Variants in RAET1L observed in about 807,000 individuals in gnomAD.
The protein encoded by RAET1L is retinoic acid early transcript 1L, also known as UL16-binding protein 6.
RAET1L carries 16 observed loss-of-function variants against 23.9 expected under a neutral mutation model. The observed-to-expected ratio is 0.67, with a 90% CI of 0.45 to 1.02. RAET1L has a LOEUF of 1.02. Among genes scored for constraint, RAET1L ranks in the 50% least tolerant of loss-of-function variants. The probability of loss-of-function intolerance (pLI) is 0.00; values close to 1 mark genes in which losing one functional copy is unlikely to be tolerated. For synonymous variants in RAET1L, 70 were observed against 111.2 expected, an observed-to-expected ratio of 0.63 and a Z score of 2.33; for missense variants, 233 against 304.0, an observed-to-expected ratio of 0.77 and a Z score of 1.74.
chr6:150,021,652 A>G (rs62442285), intron 2 of RAET1L, among the ~76,000 whole-genome samples: 24,581 of 104,026 alleles, frequency 0.24, 2,976 homozygotes, highest in Non-Finnish European at 0.32. Context: ...CTGGAGTGCA[A>G]TGGCACCACC....
intron 1 of RAET1L, among the ~76,000 whole-genome samples, chr6:150,024,969 G>A (rs1779930029): frequency 6.6e-6 from 1 of 152,112 alleles, no homozygotes; most frequent in South Asian, 2.1e-4. Context: ...GGTGAGAGCA[G>A]AGCAGGCTTG....
At position 150,025,422 on chromosome 6, in the gene RAET1L, A is replaced by G. The variant is rs778041088; in HGVS notation, c.50T>C (p.Phe17Ser). Reference sequence around the variant, plus strand: ...AGCCCGGGACCAGCCGAACAGCAGGAACAGAAGCGGGAGGCACAGAAGCAA... The same window carrying G: ...AGCCCGGGACCAGCCGAACAGCAGGGACAGAAGCGGGAGGCACAGAAGCAA... ...PALLLCLPLL[F>S]LLFGWSRARR... The change falls in exon 1 of 5, where the codon TTC (phenylalanine) becomes TCC (serine). Residue 17 changes from phenylalanine to serine, a missense_variant. By Grantham distance (155) the Phe-to-Ser change is radical. Around this residue, in one of 4 missense-constraint regions of RAET1L, gnomAD observed 42 missense variants for 35.0 expected, o/e 1.20. Transcript: ENST00000367341. The G allele has an allele frequency of 3.7e-6, 6 of 1,613,956 alleles. No homozygotes were observed. Among genetic ancestry groups the G allele is most frequent in the Non-Finnish European group, 5.1e-6 (6 of 1,179,932 alleles).
intron 3 of RAET1L, 68 bp downstream of exon 3, chr6:150,020,837 A>G: frequency 6.3e-7 from 1 of 1,589,372 alleles, no homozygotes; most frequent in Non-Finnish European, 8.6e-7. Context: ...GCTGAACTCA[A>G]GAACTAACTT....
intron 4 of RAET1L, among the ~76,000 whole-genome samples, chr6:150,019,357 G>A (rs1779859200): frequency 6.6e-6 from 1 of 152,092 alleles, no homozygotes; most frequent in Non-Finnish European, 1.5e-5. Flanking sequence ...CAGCCCAGTG[G>A]TGCCCGTGGA....
rs1779875186 is a variant in RAET1L, at chr6:150,020,756, C to G, written c.631+149G>C. ...AGGAGGGTGGGAGGGCACAGGCATG[C>G]CAGTAACCCCAGGAGGAGGGCCCGA... On this transcript the variant is annotated intron_variant, in intron 3 of 4. Coordinates refer to ENST00000367341, the MANE Select transcript of RAET1L (RefSeq NM_130900.3). 44 of 1,324,230 alleles carry G rather than the reference C, an allele frequency of 3.3e-5. No homozygotes were observed. In the South Asian group the frequency reaches 6.2e-4, roughly 19 times the overall value. The allele number at this position is 1,324,230 out of a possible 1,614,324, so 82.0% of individuals were successfully genotyped here.
intron 1 of RAET1L, among the ~76,000 whole-genome samples, chr6:150,022,877 C>T (rs1454051760): frequency 2.4e-5 from 2 of 82,590 alleles, no homozygotes; most frequent in East Asian, 4.9e-4. Flanking sequence ...AGAGAAGTGC[C>T]CATGCCAGAG....
At chr6:150,019,330 C>A (rs1219794579) in intron 4 of RAET1L, among the ~76,000 whole-genome samples, 1 of 152,218 alleles carries the variant, frequency 6.6e-6, no homozygotes. Context: ...CCTGTTCCAC[C>A]TTTTCCATTC....
At position 150,022,229 on chromosome 6, in the gene RAET1L, A is replaced by C; in HGVS notation, c.100T>G (p.Cys34Gly). ...RARRDDPHSL[C>G]YDITVIPKFR... is the part of the protein sequence containing the mutation. ...TTAGGGATGACGGTGATGTCATAGC[A>C]AAGAGAGTGAGGGTCTGTGGAGAAA... The change falls in exon 2 of 5, where the codon TGC becomes GGC. Residue 34 changes from cysteine to glycine, a missense_variant. Physicochemically the swap from Cys to Gly is radical, Grantham distance 159 (BLOSUM62 -3). Transcript: ENST00000367341. The C allele has an allele frequency of 4.5e-6, 7 of 1,564,004 alleles. No individual in the cohort carries two copies. Among genetic ancestry groups the C allele is most frequent in the Non-Finnish European group, 6.1e-6 (7 of 1,153,416 alleles).
chr6:150,021,869 G>A, intron 2 of RAET1L, 111 bp downstream of exon 2: 6 of 1,298,994 alleles, frequency 4.6e-6, no homozygotes, highest in Non-Finnish European at 6.6e-6. Context: ...TGGGACTACA[G>A]GCGTGAGCCA....
At chr6:150,021,922 A>C (rs1458527231) in intron 2 of RAET1L, 58 bp downstream of exon 2, 1 of 1,599,566 alleles carries the variant, frequency 6.3e-7, no homozygotes, top group Non-Finnish European at 8.5e-7. Flanking sequence ...AAAACTATAA[A>C]TGCCTCTAAC....
chr6:150,020,254 C>T lies in RAET1L; in HGVS notation c.632-15G>A, dbSNP rs375739824. ...GGCGAGTGGTGCTGAAATGGAAACA[C>T]AAAAGTGACAACCCTTGTCCAGGCC... On this transcript the variant is annotated splice_polypyrimidine_tract_variant and intron_variant, in intron 3 of 4. Coordinates refer to ENST00000367341, the MANE Select transcript of RAET1L (RefSeq NM_130900.3). 24 of 1,415,480 alleles carry T rather than the reference C, an allele frequency of 1.7e-5. No homozygotes were observed. In the East Asian group the frequency reaches 2.0e-4, roughly 12 times the overall value. 87.7% of individuals were successfully genotyped at this position (1,415,480 alleles called of 1,614,324 possible). A position where few individuals can be genotyped will look rare whatever the true frequency, so the allele number is the denominator to read the frequency against.
chr6:150,025,294 CT>C, intron 1 of RAET1L, 92 bp downstream of exon 1: 1 of 1,075,806 alleles, frequency 9.3e-7, no homozygotes, highest in Non-Finnish European at 1.4e-6. Flanking sequence ...CTCCCTTGTC[CT>C]TCCAGAAGCC....
intron 2 of RAET1L, among the ~76,000 whole-genome samples, 171 bp from the exon 3 acceptor site, chr6:150,021,357 A>C (rs1341678790): frequency 6.9e-6 from 1 of 145,538 alleles, no homozygotes; most frequent in African/African-American, 2.6e-5. Flanking sequence ...TTTTTTGAGA[A>C]AGGGTCTCGC....
At chr6:150,021,341 T>TA (rs1299810827) in intron 2 of RAET1L, among the ~76,000 whole-genome samples, 155 bp from the exon 3 acceptor site, 1 of 150,720 alleles carries the variant, frequency 6.6e-6, no homozygotes, top group African/African-American at 2.5e-5. Flanking sequence ...TTGTATTTTT[T>TA]TTTTTTTTTT....
Position 150,025,443 on chromosome 6 carries a change from A to C in RAET1L, c.29T>G (p.Leu10Arg). ...CAGGAACAGAAGCGGGAGGCACAGA[A>C]GCAAAGCTGGGATGGCGGCTGCTGC... Reference protein sequence around the residue: MAAAAIPALLLCLPLLFLLF... With the variant: MAAAAIPALRLCLPLLFLLF... The change falls in exon 1 of 5, where the codon CTT becomes CGT. Residue 10 changes from leucine (L) to arginine (R), a missense_variant. By Grantham distance (102) the Leu-to-Arg change is moderately radical. Coordinates refer to ENST00000367341, the MANE Select transcript of RAET1L (RefSeq NM_130900.3). 1.2e-6 allele frequency: 2 copies of C among 1,614,078 alleles called. No homozygotes were observed. The highest frequency in any genetic ancestry group is 1.7e-6 in the Non-Finnish European group (2 of 1,179,920).
At position 150,021,146 on chromosome 6, in the gene RAET1L, T is replaced by C. The variant is rs572946874; in HGVS notation, c.390A>G (p.Lys130=). 6.2e-7 allele frequency: 1 copy of C among 1,613,930 alleles called. No homozygotes were observed. Among genetic ancestry groups the C allele is most frequent in the Non-Finnish European group, 8.5e-7 (1 of 1,179,996 alleles). Residue 130 remains lysine, a synonymous_variant, in exon 3 of 5, where the codon AAA becomes AAG. Transcript: ENST00000367341. ...TLQARMSCEQ[K]AEGHSSGSWQ... is the part of the protein sequence containing the mutation. ...AAGATCCACTGCTGTGTCCTTCAGC[T>C]TTCTGCTCACAAGACATCCTTGCCT...
intron 2 of RAET1L, 120 bp from the exon 3 acceptor site, chr6:150,021,306 T>C: frequency 7.6e-7 from 1 of 1,311,746 alleles, no homozygotes; most frequent in East Asian, 2.3e-5. Context: ...CTCTAGACTC[T>C]TGAGGGGTAA....
intron 1 of RAET1L, among the ~76,000 whole-genome samples, 195 bp downstream of exon 1, chr6:150,025,192 G>A (rs1775869627): frequency 1.3e-5 from 2 of 149,246 alleles, no homozygotes; most frequent in Middle Eastern, 3.4e-3. Flanking sequence ...GCTCTTTTTC[G>A]CCCCTACTGG....
In RAET1L at chr6:150,021,006, T is replaced by A. The variant is rs148747435; in HGVS notation, c.530A>T (p.Asp177Val). 274 of 1,614,120 alleles carry A rather than the reference T, an allele frequency of 1.7e-4. 1 individual carries two copies. The highest frequency in any genetic ancestry group is 6.2e-4 in the Admixed American group (37 of 60,020). The change falls in exon 3 of 5, where the codon GAT becomes GTT. Residue 177 changes from aspartate to valine, a missense_variant. By Grantham distance (152) the Asp-to-Val change is radical. Coordinates refer to ENST00000367341, the MANE Select transcript of RAET1L (RefSeq NM_130900.3). ...GATGTAATGGAAGGACATGGCCACA[T>A]CCTTGTCATTCTCCCACTTTTCTTT... ...KMKEKWENDKDVAMSFHYISM... is the reference protein window; with the variant it reads ...KMKEKWENDKVVAMSFHYISM...
Sources: gnomAD v4.1 joint callset for allele counts (sites outside exome capture counted in the v4.1 genomes callset) on GRCh38, gnomAD v4.1.1 for gene constraint, gnomAD v4.1.1 regional missense constraint, MANE v1.5 for transcripts, NCBI Gene and HGNC (gene_info 2026-07-23, HGNC 2026-07-21) for gene names.